Variants in PLA2G2F observed in about 807,000 individuals in gnomAD.
The protein encoded by PLA2G2F is group IIF secretory phospholipase A2.
PLA2G2F carries 17 observed loss-of-function variants against 15.9 expected under a neutral mutation model. The observed-to-expected ratio is 1.07, with a 90% confidence interval of 0.73 to 1.60. PLA2G2F has a LOEUF of 1.60. PLA2G2F is among the 40% of genes most tolerant of loss of function. The pLI, the probability that PLA2G2F is intolerant of heterozygous loss-of-function variation, is 0.00. For missense variants in PLA2G2F, 299 were observed against 278.2 expected (o/e 1.07, Z -0.53); for synonymous variants, 119 against 106.5 (o/e 1.12, Z -0.72).
chr1:20,144,861 G>C (rs1468016977), intron 4 of PLA2G2F, among the ~76,000 whole-genome samples, 172 bp downstream of exon 4: 1 of 152,212 alleles, frequency 6.6e-6, no homozygotes, highest in Non-Finnish European at 1.5e-5. Context: ...CGGATCACTT[G>C]AGGTCAGGAG....
chr1:20,147,641 G>T (rs886245023), intron 4 of PLA2G2F, among the ~76,000 whole-genome samples: 8 of 151,996 alleles, frequency 5.3e-5, no homozygotes, highest in Non-Finnish European at 1.0e-4. Flanking sequence ...GTAGAGATGG[G>T]GTTTCATCAT....
chr1:20,141,381 G>C (rs1359014550), intron 2 of PLA2G2F: 3 of 152,586 alleles, frequency 2.0e-5, no homozygotes, highest in Non-Finnish European at 4.4e-5. Context: ...ATGTATGTGT[G>C]AGTGTTGAGT....
chr1:20,147,764 A>G (rs1377858081), intron 4 of PLA2G2F, among the ~76,000 whole-genome samples: 1 of 152,108 alleles, frequency 6.6e-6, no homozygotes, highest in Non-Finnish European at 1.5e-5. Context: ...CTCCCTCTTC[A>G]CTGGGCGTTC....
At chr1:20,147,879 C>T (rs1383297993) in intron 4 of PLA2G2F, among the ~76,000 whole-genome samples, 1 of 152,156 alleles carries the variant, frequency 6.6e-6, no homozygotes, top group African/African-American at 2.4e-5. Context: ...GTAAACCCAT[C>T]CCCCTTTCTG....
At chr1:20,146,693 T>C (rs1430807627) in intron 4 of PLA2G2F, among the ~76,000 whole-genome samples, 3 of 152,154 alleles carry the variant, frequency 2.0e-5, no homozygotes, top group African/African-American at 7.2e-5. Flanking sequence ...TCTTCTGTCA[T>C]TGGGAAGGAG....
In PLA2G2F at chr1:20,143,475, A is replaced by T. The variant is rs909312025; in HGVS notation, c.199A>T (p.Asn67Tyr). 7 of 1,613,900 alleles carry T rather than the reference A, an allele frequency of 4.3e-6. No homozygotes were observed. In the Admixed American group the frequency reaches 8.3e-5, roughly 19 times the overall value. Residue 67 changes from asparagine to tyrosine, a missense_variant, in exon 3 of 5, where the codon AAC (asparagine) becomes TAC (tyrosine). Transcript: ENST00000375102. ...GTCCACAGCTCACGGCAGCCTGCTC[A>T]ACCTGAAGGCCATGGTGGAGGCCGT... ...VLSTAHGSLL[N>Y]LKAMVEAVTG...
In PLA2G2F at chr1:20,149,593, C is replaced by G. The variant is rs1428141690; in HGVS notation, c.*1192C>G. On this transcript the variant is annotated 3_prime_UTR_variant, in exon 5 of 5. Transcript: ENST00000375102. The stretch of plus-strand genomic sequence containing the variant: ...GAAGCTTCTAGAAGGCAGTAAGGAA[C>G]AGGGTGGTGAAGGAGAGGGGAGAAG... 1 of 152,682 alleles carries G rather than the reference C, an allele frequency of 6.5e-6. No homozygotes were observed. Among genetic ancestry groups the G allele is most frequent in the East Asian group, 1.9e-4 (1 of 5,202 alleles). The allele number at this position is 152,682 out of a possible 1,614,324, so 9.5% of individuals were successfully genotyped here.
chr1:20,147,463 T>C (rs1379606448), intron 4 of PLA2G2F, among the ~76,000 whole-genome samples: 1 of 152,202 alleles, frequency 6.6e-6, no homozygotes, highest in South Asian at 2.1e-4. Context: ...TTTTTTTTTT[T>C]TTAAGATGAA....
At position 20,148,999 on chromosome 1, in the gene PLA2G2F, C is replaced by G. The variant is rs946788188; in HGVS notation, c.*598C>G. 2 of 156,238 alleles carry G rather than the reference C, an allele frequency of 1.3e-5. No homozygotes were observed. The highest frequency in any genetic ancestry group is 4.8e-5 in the African/African-American group (2 of 41,424). 9.7% of individuals were successfully genotyped at this position (156,238 alleles called of 1,614,324 possible). Reference sequence around the variant, plus strand: ...GTGGCCATGAGTCCAGGTTCAGACCCTAGGGGATGTGCAGTGCTGAGTGTC... The same window carrying G: ...GTGGCCATGAGTCCAGGTTCAGACCGTAGGGGATGTGCAGTGCTGAGTGTC... On this transcript the variant is annotated 3_prime_UTR_variant, in exon 5 of 5. Transcript: ENST00000375102.
chr1:20,142,551 C>T (rs1167490776), intron 2 of PLA2G2F: 1 of 152,450 alleles, frequency 6.6e-6, no homozygotes, highest in Non-Finnish European at 1.5e-5. Context: ...AAGATGGAGA[C>T]AAGCAGTGGC....
intron 4 of PLA2G2F, among the ~76,000 whole-genome samples, 153 bp downstream of exon 4, chr1:20,144,842 C>T (rs575627593): frequency 5.3e-5 from 8 of 152,234 alleles, no homozygotes; most frequent in Non-Finnish European, 8.8e-5. Flanking sequence ...TTTGGGAGGC[C>T]GAGGCGGGCG....
intron 4 of PLA2G2F, among the ~76,000 whole-genome samples, chr1:20,147,575 A>G (rs1204744427): frequency 2.0e-5 from 3 of 151,678 alleles, no homozygotes; most frequent in Non-Finnish European, 4.4e-5. Context: ...CAGTCTCCCG[A>G]GTAGCTGGGA....
Position 20,148,866 on chromosome 1 carries a change from G to A in PLA2G2F, c.*465G>A. 1 of 170,710 alleles carries A rather than the reference G, an allele frequency of 5.9e-6. No homozygotes were observed. Among genetic ancestry groups the A allele is most frequent in the Non-Finnish European group, 1.3e-5 (1 of 78,750 alleles). 10.6% of individuals were successfully genotyped at this position (170,710 alleles called of 1,614,324 possible). On this transcript the variant is annotated 3_prime_UTR_variant, in exon 5 of 5. Coordinates refer to ENST00000375102, the MANE Select transcript of PLA2G2F (RefSeq NM_022819.4). ...TGGTCACAAAGCATGGGTTCCGGGAGCCCCTCAGCTGATCCCACAGGATGG... is the reference window on the plus strand; with the variant it reads ...TGGTCACAAAGCATGGGTTCCGGGAACCCCTCAGCTGATCCCACAGGATGG...
Position 20,143,487 on chromosome 1 carries a change from A to C in PLA2G2F, c.211A>C (p.Met71Leu). ...AHGSLLNLKA[M>L]VEAVTGRSAI... ...CGGCAGCCTGCTCAACCTGAAGGCC[A>C]TGGTGGAGGCCGTCACAGGGAGGAG... Residue 71 changes from methionine to leucine, a missense_variant, in exon 3 of 5, where the codon ATG (methionine) becomes CTG (leucine). Transcript: ENST00000375102. The C allele has an allele frequency of 6.2e-7, 1 of 1,614,036 alleles. No individual in the cohort carries two copies. Among genetic ancestry groups the C allele is most frequent in the African/African-American group, 1.3e-5 (1 of 75,052 alleles).
chr1:20,149,442 A>C lies in PLA2G2F; in HGVS notation c.*1041A>C, dbSNP rs2017685191. The C allele has an allele frequency of 6.6e-6, 1 of 152,336 alleles. No individual in the cohort carries two copies. The highest frequency in any genetic ancestry group is 2.1e-4 in the South Asian group (1 of 4,830). 9.4% of individuals were successfully genotyped at this position (152,336 alleles called of 1,614,324 possible). Reference sequence around the variant, plus strand: ...GCTGTGGGCAGGCGTCACAAGTCCCATTGGTGGGGAAGAGGCTGAGGGCTG... The same window carrying C: ...GCTGTGGGCAGGCGTCACAAGTCCCCTTGGTGGGGAAGAGGCTGAGGGCTG... On this transcript the variant is annotated 3_prime_UTR_variant, in exon 5 of 5. Transcript: ENST00000375102.
intron 1 of PLA2G2F, 50 bp downstream of exon 1, chr1:20,139,593 A>T (rs576266970): frequency 1.1e-5 from 15 of 1,332,828 alleles, no homozygotes; most frequent in African/African-American, 3.0e-5. Flanking sequence ...GGGCAGGGAC[A>T]GGCGTGAGGG....
At chr1:20,144,790 C>T (rs557390130) in intron 4 of PLA2G2F, 101 bp downstream of exon 4, 632 of 1,078,656 alleles carry the variant, frequency 5.9e-4, no homozygotes, top group Middle Eastern at 2.0e-3. Context: ...TAAATACAGG[C>T]TGCCAGCCGG....
chr1:20,142,578 C>T (rs1342782681), intron 2 of PLA2G2F: 3 of 152,688 alleles, frequency 2.0e-5, no homozygotes, highest in Non-Finnish European at 4.4e-5. Context: ...GAGAATGTGT[C>T]CTGGGGTGGG....
chr1:20,140,187 G>A lies in PLA2G2F; in HGVS notation c.138G>A (p.Lys46=), dbSNP rs929730125. The change falls in exon 2 of 5, where the codon AAG becomes AAA. Residue 46 remains lysine, a synonymous_variant. Transcript: ENST00000375102. ...RTSRSSLGMK[K]FFTVAILAGS... ...TCAGGTCTAGCCTGGGTATGAAGAA[G>A]TTCTTCACCGTGGCCATCCTTGCTG... The A allele has an allele frequency of 6.2e-7, 1 of 1,613,960 alleles. No homozygotes were observed. The highest frequency in any genetic ancestry group is 8.5e-7 in the Non-Finnish European group (1 of 1,179,888).
Sources: allele counts gnomAD v4.1 joint callset (sites outside exome capture counted in the v4.1 genomes callset), GRCh38; gene constraint gnomAD v4.1.1; transcripts MANE v1.5; gene names NCBI Gene and HGNC (gene_info 2026-07-23, HGNC 2026-07-21).